KIAA1217: variants seen among roughly 807,000 people sequenced by gnomAD.
KIAA1217 encodes KIAA1217, also known as sickle tail protein homolog.
KIAA1217 carries 88 observed loss-of-function variants against 163.9 expected under a neutral mutation model. The ratio of observed to expected loss-of-function variants is 0.54; its 90% confidence interval spans 0.45 to 0.64. KIAA1217 has a LOEUF of 0.64. KIAA1217 is among the 30% of genes least tolerant of loss of function. The pLI, the probability that KIAA1217 is intolerant of heterozygous loss-of-function variation, is 0.00. For missense variants in KIAA1217, 2,372 were observed against 2,475.0 expected, an observed-to-expected ratio of 0.96 and a Z score of 0.88; for synonymous variants, 903 against 923.1, an observed-to-expected ratio of 0.98 and a Z score of 0.39.
intron 1 of KIAA1217, among the ~76,000 whole-genome samples, chr10:23,815,113 C>CATT (rs1016045220): frequency 6.6e-6 from 1 of 151,884 alleles, no homozygotes; most frequent in South Asian, 2.1e-4. Context: ...AAATCTAAAA[C>CATT]ATTATTATTA....
intron 1 of KIAA1217, among the ~76,000 whole-genome samples, chr10:23,952,902 A>G (rs1844402820): frequency 6.6e-6 from 1 of 152,192 alleles, no homozygotes; most frequent in Admixed American, 6.5e-5. Flanking sequence ...TGGTGTAGAA[A>G]CATGCTGCTG....
At chr10:24,545,725 C>T in intron 20 of KIAA1217, 102 bp from the exon 21 acceptor site, 1 of 1,513,846 alleles carries the variant, frequency 6.6e-7, no homozygotes. Flanking sequence ...GGTTGGTTTT[C>T]TTTGATTGAA....
At chr10:23,734,998 T>TC (rs1378848065) in intron 1 of KIAA1217, among the ~76,000 whole-genome samples, 24 of 152,110 alleles carry the variant, frequency 1.6e-4, no homozygotes, top group Non-Finnish European at 2.9e-4. Flanking sequence ...TATGTGTTTT[T>TC]CCCCTCTAAA....
At chr10:24,521,293 G>T (rs906933156) in intron 11 of KIAA1217, among the ~76,000 whole-genome samples, 3 of 151,852 alleles carry the variant, frequency 2.0e-5, no homozygotes. Flanking sequence ...TCATGCCACT[G>T]CACTCCAGCC....
intron 2 of KIAA1217, among the ~76,000 whole-genome samples, chr10:24,302,668 G>A (rs561519815): frequency 6.6e-6 from 1 of 152,236 alleles, no homozygotes; most frequent in East Asian, 1.9e-4. Context: ...TAGATGGCAT[G>A]CAGTATAAGT....
intron 1 of KIAA1217, among the ~76,000 whole-genome samples, chr10:23,813,414 C>A (rs1409966770): frequency 6.6e-6 from 1 of 151,702 alleles, no homozygotes; most frequent in Non-Finnish European, 1.5e-5. Context: ...TGCACATAAA[C>A]CTTGTCCTGT....
intron 1 of KIAA1217, among the ~76,000 whole-genome samples, chr10:23,877,139 A>G (rs1436977745): frequency 6.6e-6 from 1 of 151,984 alleles, no homozygotes; most frequent in Non-Finnish European, 1.5e-5. Flanking sequence ...TCTTTGGCTA[A>G]TGAATGGATT....
chr10:23,989,296 G>A (rs1281863922), intron 1 of KIAA1217, among the ~76,000 whole-genome samples: 1 of 152,188 alleles, frequency 6.6e-6, no homozygotes, highest in Non-Finnish European at 1.5e-5. Flanking sequence ...GCACACAAAT[G>A]TATTTAATGT....
intron 11 of KIAA1217, among the ~76,000 whole-genome samples, chr10:24,520,669 T>TAA (rs1476689563): frequency 1.7e-5 from 1 of 57,554 alleles, no homozygotes; most frequent in Non-Finnish European, 3.3e-5. Context: ...TATATATATA[T>TAA]ATATATACAC....
rs191729796 is a variant in KIAA1217 at position 24,292,101 on chromosome 10, G to C, written c.354+72192G>C. Among the ~76,000 whole-genome samples, 29 of 152,286 alleles carry C rather than the reference G, an allele frequency of 1.9e-4. No individual in the cohort carries two copies. The East Asian group carries it at 5.4e-3, about 28-fold the overall frequency. ...TTTCTGGCTTTTCTAATCAGGAAAG[G>C]CTTGTTGGAGAATTAAAGGAGATAT... On this transcript the variant is annotated intron_variant, in intron 2 of 20. Transcript: ENST00000376454.
In KIAA1217 at chr10:23,788,581, G is replaced by A. The variant is rs564163014; in HGVS notation, c.-321+93347G>A. Among the ~76,000 whole-genome samples, 9 of 152,258 alleles carry A rather than the reference G, an allele frequency of 5.9e-5. No homozygotes were observed. The South Asian group carries it at 1.9e-3, about 32-fold the overall frequency. On this transcript the variant is annotated intron_variant, in intron 1 of 18. Transcript: ENST00000376462. ...TTTCCACTTCCCTCTGCCCCCATAT[G>A]GGGTTTTAATTAATTAATGGAAGGT...
chr10:24,230,497 G>GTTT (rs1466924722), intron 2 of KIAA1217, among the ~76,000 whole-genome samples: 61 of 48,262 alleles, frequency 1.3e-3, no homozygotes, highest in African/African-American at 3.0e-3. Flanking sequence ...ACTACTATTT[G>GTTT]TTTTGTTTTT....
At chr10:23,921,539 T>G (rs1307582202) in intron 1 of KIAA1217, among the ~76,000 whole-genome samples, 1 of 152,192 alleles carries the variant, frequency 6.6e-6, no homozygotes, top group Admixed American at 6.5e-5. Context: ...TCACCAAATA[T>G]TTCTTAAGCT....
intron 5 of KIAA1217, among the ~76,000 whole-genome samples, chr10:24,439,671 A>C (rs2060332646): frequency 6.7e-6 from 1 of 149,612 alleles, no homozygotes; most frequent in Admixed American, 6.7e-5. Flanking sequence ...TTTTCCCCCA[A>C]CTTCTAGAGG....
rs1254737313 is a variant in KIAA1217, at chr10:23,879,026, C to T, written c.-320-128199C>T. On this transcript the variant is annotated intron_variant, in intron 1 of 18. Transcript: ENST00000376462. ...GTTTGAAGTATTTATTAGACATCCA[C>T]GTGTAGAAATCAAATGGGCAGTTGG... Among the ~76,000 whole-genome samples the T allele has an allele frequency of 3.3e-5, 5 of 151,902 alleles. No homozygotes were observed. In the South Asian group the frequency reaches 6.2e-4, roughly 19 times the overall value.
chr10:24,229,801 G>C (rs531469132), intron 2 of KIAA1217, among the ~76,000 whole-genome samples: 2 of 152,188 alleles, frequency 1.3e-5, no homozygotes, highest in African/African-American at 2.4e-5. Flanking sequence ...ATGAGCCACT[G>C]TACCCAGCCT....
chr10:24,223,409 C>CCTGT (rs1203817510), intron 2 of KIAA1217, among the ~76,000 whole-genome samples: 1 of 152,172 alleles, frequency 6.6e-6, no homozygotes. Flanking sequence ...TTTCCTCTTT[C>CCTGT]CTGTCTTCCT....
intron 1 of KIAA1217, among the ~76,000 whole-genome samples, chr10:23,779,312 T>A (rs1835150037): frequency 6.6e-6 from 1 of 152,208 alleles, no homozygotes; most frequent in African/African-American, 2.4e-5. Context: ...CTCTTCCTTT[T>A]ACAAAAATCC....
chr10:23,988,442 C>T (rs190300313), intron 1 of KIAA1217, among the ~76,000 whole-genome samples: 1 of 152,318 alleles, frequency 6.6e-6, no homozygotes, highest in Non-Finnish European at 1.5e-5. Flanking sequence ...TCCTCCCACC[C>T]TTTCAACATT....
Sources: allele counts gnomAD v4.1 joint callset (sites outside exome capture counted in the v4.1 genomes callset), GRCh38; gene constraint gnomAD v4.1.1; transcripts MANE v1.5; gene names NCBI Gene and HGNC (gene_info 2026-07-23, HGNC 2026-07-21).